MED12L: variants seen among roughly 807,000 people sequenced by gnomAD.
MED12L encodes the protein mediator complex subunit 12L, also known as mediator of RNA polymerase II transcription subunit 12-like protein.
A neutral mutation model predicts 281.3 loss-of-function variants in MED12L; 60 were observed. The ratio of observed to expected loss-of-function variants is 0.21; its 90% CI spans 0.17 to 0.26. The LOEUF is 0.26. MED12L is among the 10% of genes least tolerant of loss of function. MED12L has a pLI of 1.00. For synonymous variants in MED12L, 974 were observed against 987.2 expected (o/e 0.99, Z 0.25); for missense variants, 2,146 against 2,680.9 (o/e 0.80, Z 4.41).
At chr3:151,102,392 A>G (rs1452263217) in intron 2 of MED12L, among the ~76,000 whole-genome samples, 2 of 152,138 alleles carry the variant, frequency 1.3e-5, no homozygotes, top group East Asian at 3.9e-4. Flanking sequence ...TACCAGGGGA[A>G]ATTTGTTTCC....
intron 39 of MED12L, among the ~76,000 whole-genome samples, chr3:151,406,827 G>C (rs1396902856): frequency 6.9e-6 from 1 of 145,128 alleles, no homozygotes; most frequent in Non-Finnish European, 1.5e-5. Flanking sequence ...TTGAGATAGG[G>C]TCTCATTCTG....
chr3:151,095,615 G>A (rs1460263799), intron 2 of MED12L, among the ~76,000 whole-genome samples: 1 of 152,188 alleles, frequency 6.6e-6, no homozygotes, highest in Non-Finnish European at 1.5e-5. Flanking sequence ...AGTCTAAGCT[G>A]GTTAACATTT....
At chr3:151,300,194 G>T in intron 16 of MED12L, 1 of 847,074 alleles carries the variant, frequency 1.2e-6, no homozygotes, top group South Asian at 1.4e-5. Flanking sequence ...TTCCTGGTTT[G>T]ATTTCTGGGG....
intron 37 of MED12L, among the ~76,000 whole-genome samples, chr3:151,389,399 A>G (rs980292436): frequency 2.0e-5 from 3 of 152,138 alleles, no homozygotes; most frequent in Admixed American, 6.5e-5. Flanking sequence ...CTAGGGCTAG[A>G]CTAGATGAGG....
At chr3:151,156,392 A>C in intron 6 of MED12L, 62 bp downstream of exon 6, 1 of 1,471,642 alleles carries the variant, frequency 6.8e-7, no homozygotes, top group East Asian at 2.4e-5. Context: ...CAAATTCCTT[A>C]TAGTTTGGTG....
At chr3:151,398,546 G>A (rs757325941) in intron 39 of MED12L, among the ~76,000 whole-genome samples, 2 of 152,184 alleles carry the variant, frequency 1.3e-5, no homozygotes, top group Non-Finnish European at 2.9e-5. Flanking sequence ...TAGACAACAA[G>A]TGCTGAATAG....
At chr3:151,389,806 A>G (rs971314405) in intron 37 of MED12L, among the ~76,000 whole-genome samples, 173 bp from the exon 38 acceptor site, 4 of 152,176 alleles carry the variant, frequency 2.6e-5, no homozygotes, top group Non-Finnish European at 5.9e-5. Flanking sequence ...TTTACCTCAA[A>G]TGAATATTTC....
chr3:151,335,005 T>C (rs1446885630), intron 16 of MED12L, among the ~76,000 whole-genome samples: 4 of 152,192 alleles, frequency 2.6e-5, no homozygotes, highest in Non-Finnish European at 4.4e-5. Flanking sequence ...ATTTTATTCA[T>C]TTGATTTTTT....
Position 151,156,203 on chromosome 3 carries a change from C to T in MED12L, c.599C>T (p.Ala200Val), listed in dbSNP as rs372155457. ...ISTRYLREQL[A>V]KISDFYHMAS... ...ACCAGATATCTTCGAGAGCAGTTGG[C>T]CAAGATTTCTGACTTTTACCACATG... Residue 200 changes from alanine (A) to valine (V), a missense_variant, in exon 6 of 45, where the codon GCC (alanine) becomes GTC (valine). By Grantham distance (64) the Ala-to-Val change is moderately conservative (BLOSUM62 0). This residue lies in a region of MED12L where 722 missense variants were observed against 861.2 expected (regional missense o/e 0.84). Transcript: ENST00000687756. 20 of 1,612,340 alleles carry T rather than the reference C, an allele frequency of 1.2e-5. No homozygotes were observed. In the South Asian group the frequency reaches 2.0e-4, roughly 16 times the overall value.
chr3:151,145,451 G>A (rs561362583), intron 5 of MED12L, among the ~76,000 whole-genome samples: 1 of 152,220 alleles, frequency 6.6e-6, no homozygotes, highest in East Asian at 1.9e-4. Flanking sequence ...TATCAGACTT[G>A]CATATCCACC....
intron 44 of MED12L, 147 bp downstream of exon 44, chr3:151,430,527 T>A: frequency 7.6e-7 from 1 of 1,319,876 alleles, no homozygotes. Context: ...GGTATTTTCA[T>A]TCTGTCTTCG....
intron 16 of MED12L, among the ~76,000 whole-genome samples, chr3:151,208,865 G>A (rs2149195878): frequency 6.6e-6 from 1 of 152,218 alleles, no homozygotes; most frequent in South Asian, 2.1e-4. Context: ...GGGAGAGAAG[G>A]GAGAAGTAGT....
At chr3:151,345,857 T>C (rs1042702322) in intron 16 of MED12L, among the ~76,000 whole-genome samples, 2 of 152,146 alleles carry the variant, frequency 1.3e-5, no homozygotes, top group Non-Finnish European at 2.9e-5. Flanking sequence ...TAAACAAATC[T>C]TGTAGGCTCT....
intron 16 of MED12L, among the ~76,000 whole-genome samples, chr3:151,206,118 G>A (rs1415611819): frequency 7.3e-6 from 1 of 137,320 alleles, no homozygotes. Flanking sequence ...TCCCACCTGC[G>A]TTAGCCCAAA....
At chr3:151,338,558 C>T in intron 16 of MED12L, 2 of 1,613,890 alleles carry the variant, frequency 1.2e-6, no homozygotes, top group South Asian at 1.1e-5. Context: ...TAACTTGACA[C>T]ACAAAAGTTC....
chr3:151,349,773 AG>A (rs1752989864), intron 16 of MED12L, among the ~76,000 whole-genome samples: 1 of 152,170 alleles, frequency 6.6e-6, no homozygotes, highest in Non-Finnish European at 1.5e-5. Flanking sequence ...AACAATGAAA[AG>A]TTTTTCAATA....
At chr3:151,242,714 C>T (rs1734460993) in intron 16 of MED12L, among the ~76,000 whole-genome samples, 2 of 152,204 alleles carry the variant, frequency 1.3e-5, no homozygotes, top group African/African-American at 4.8e-5. Flanking sequence ...AGCGCCTCTC[C>T]TCCTCCAAAG....
In MED12L at chr3:151,314,666, A is replaced by G. The variant is rs1316380205; in HGVS notation, c.2251-35393A>G. Among the ~76,000 whole-genome samples, 4 of 152,126 alleles carry G rather than the reference A, an allele frequency of 2.6e-5. No homozygotes were observed. The East Asian group carries it at 7.7e-4, about 29-fold the overall frequency. On this transcript the variant is annotated intron_variant, in intron 16 of 44. Coordinates refer to ENST00000687756, the MANE Select transcript of MED12L (RefSeq NM_001393769.1). ...TAGCTGGCTAGGGGCAGAATTGGGA[A>G]GGTCCTCATTTGTGGCTCTACCCCA...
At chr3:151,424,916 T>G (rs1446233897) in intron 43 of MED12L, among the ~76,000 whole-genome samples, 3 of 152,210 alleles carry the variant, frequency 2.0e-5, no homozygotes, top group Non-Finnish European at 2.9e-5. Context: ...GCTTTGCTGC[T>G]TTGTTCTTTT....
Sources: allele counts gnomAD v4.1 joint callset (sites outside exome capture counted in the v4.1 genomes callset), GRCh38; gene constraint gnomAD v4.1.1; regional missense constraint gnomAD v4.1.1; transcripts MANE v1.5; gene names NCBI Gene and HGNC (gene_info 2026-07-23, HGNC 2026-07-21).